Variants in CARS1 observed in about 807,000 individuals in gnomAD.
CARS1 encodes cysteine--tRNA ligase, cytoplasmic.
CARS1 carries 48 observed loss-of-function variants against 106.2 expected under a neutral mutation model. The ratio of observed to expected loss-of-function variants is 0.45; its 90% CI spans 0.36 to 0.57. The LOEUF is 0.57. Among genes scored for constraint, CARS1 ranks in the 20% least tolerant of loss-of-function variants. CARS1 has a pLI of 0.00. For synonymous variants in CARS1, 409 were observed against 403.4 expected, an observed-to-expected ratio of 1.01 and a Z score of -0.17; for missense variants, 968 against 1,057.2, an observed-to-expected ratio of 0.92 and a Z score of 1.17.
Position 3,045,515 on chromosome 11 carries a change from T to G in CARS1, c.274+2238A>C, listed in dbSNP as rs1250632466. 1.3e-5 allele frequency among the ~76,000 whole-genome samples: 2 copies of G among 152,182 alleles called. No homozygotes were observed. Among genetic ancestry groups the G allele is most frequent in the Non-Finnish European group, 2.9e-5 (2 of 68,028 alleles). ...TCCTGACCTCGTGATCCGCCCGCCT[T>G]GGCCTCCCAAAGTGCTGGGATTACA... On this transcript the variant is annotated intron_variant, in intron 2 of 22. Coordinates refer to ENST00000380525, the MANE Select transcript of CARS1 (RefSeq NM_001014437.3). The surrounding 1 kb of genome is among the most constrained non-coding windows in gnomAD (Gnocchi z 5.6).
intron 7 of CARS1, among the ~76,000 whole-genome samples, chr11:3,031,997 TC>T (rs1231882709): frequency 0.094 from 1,141 of 12,094 alleles, 313 homozygotes; most frequent in African/African-American, 0.16. Flanking sequence ...CTTCCTTCCT[TC>T]CCTCCCTCCC....
In CARS1 at chr11:3,012,274, G is replaced by C; in HGVS notation, c.1989C>G (p.Leu663=). The change falls in exon 18 of 23, where the codon CTC becomes CTG. Residue 663 remains leucine (L), a splice_region_variant and synonymous_variant. Transcript: ENST00000380525. ...PVGGPGTSLS[L]EATVMPYLQV... Reference sequence around the variant, plus strand: ...GAAGGTAGGGCATGACTGTGGCCTCGAGCTGCGGAAAGAACAGTTTTGGTT... The same window carrying C: ...GAAGGTAGGGCATGACTGTGGCCTCCAGCTGCGGAAAGAACAGTTTTGGTT... 1 of 1,614,038 alleles carries C rather than the reference G, an allele frequency of 6.2e-7. No homozygotes were observed. Among genetic ancestry groups the C allele is most frequent in the Non-Finnish European group, 8.5e-7 (1 of 1,179,858 alleles).
At chr11:3,054,890 G>T in intron 1 of CARS1, 1 of 702,554 alleles carries the variant, frequency 1.4e-6, no homozygotes, top group Admixed American at 2.0e-5. Context: ...ATGAGCAGCC[G>T]ACCAAGTGGT....
rs1445613766 is a variant in CARS1, at chr11:3,020,240, A to G, written c.1246T>C (p.Trp416Arg). The G allele has an allele frequency of 3.1e-6, 5 of 1,609,618 alleles. No homozygotes were observed. The highest frequency in any genetic ancestry group is 1.7e-5 in the Admixed American group (1 of 60,030). Residue 416 changes from tryptophan (W) to arginine (R), a missense_variant, in exon 11 of 23, where the codon TGG becomes CGG. Physicochemically the swap from Trp to Arg is moderately radical, Grantham distance 101. Transcript: ENST00000380525. The surrounding 1 kb of genome is among the most constrained non-coding windows in gnomAD (Gnocchi z 4.6). ...WKASKPGEPS[W>R]PCPWGKGRPG... ...CTCACCTTTCCCCAAGGGCACGGCC[A>G]GGACGGTTCTCCGGGCTTAGAGGCC...
intron 14 of CARS1, 169 bp downstream of exon 14, chr11:3,018,239 A>T: frequency 1.6e-6 from 1 of 618,690 alleles, no homozygotes; most frequent in African/African-American, 1.8e-5. Context: ...CAGCCATTTC[A>T]GGAGTGGCCC....
chr11:3,036,237 A>C (rs1853611309), intron 7 of CARS1, among the ~76,000 whole-genome samples: 1 of 152,232 alleles, frequency 6.6e-6, no homozygotes, highest in African/African-American at 2.4e-5. Flanking sequence ...TACAAACCTT[A>C]GACAAGATGA....
rs765464091 is a variant in CARS1, at chr11:3,038,086, G to A, written c.765C>T (p.Ser255=). ...ATEPLEKAVQ[S]RLTGEEVNSC... ...TGTTGACTTCCTCTCCCGTGAGTCT[G>A]GACTGCACAGCTTTCTCAAGTGGCT... The change falls in exon 7 of 23, where the codon TCC becomes TCT. Residue 255 remains serine, a synonymous_variant. Coordinates refer to ENST00000380525, the MANE Select transcript of CARS1 (RefSeq NM_001014437.3). This position sits in a 1 kb window ranked among gnomAD's most constrained non-coding sequence, Gnocchi z 4.0. 4 of 1,614,170 alleles carry A rather than the reference G, an allele frequency of 2.5e-6. No homozygotes were observed. In the East Asian group the frequency reaches 8.9e-5, roughly 36 times the overall value.
At chr11:3,033,295 C>T (rs1320801477) in intron 7 of CARS1, among the ~76,000 whole-genome samples, 1 of 152,130 alleles carries the variant, frequency 6.6e-6, no homozygotes, top group African/African-American at 2.4e-5. Context: ...CACAAGAGAA[C>T]ATTCAGAAAC....
rs1169642345 is a variant in CARS1 at position 3,052,875 on chromosome 11, A to G, written c.25+4468T>C. 6.6e-6 allele frequency among the ~76,000 whole-genome samples: 1 copy of G among 152,346 alleles called. No individual in the cohort carries two copies. The highest frequency in any genetic ancestry group is 1.5e-5 in the Non-Finnish European group (1 of 68,020). ...AAACCTCCCAGGGACCTGTTCCTCG[A>G]CACTGGCCCTCATCGTAGAGCCTGC... On this transcript the variant is annotated intron_variant, in intron 1 of 22. Coordinates refer to ENST00000380525, the MANE Select transcript of CARS1 (RefSeq NM_001014437.3). This position sits in a 1 kb window ranked among gnomAD's most constrained non-coding sequence, Gnocchi z 4.6.
chr11:3,026,352 C>G (rs1484635770), intron 10 of CARS1, among the ~76,000 whole-genome samples: 1 of 152,120 alleles, frequency 6.6e-6, no homozygotes, highest in Non-Finnish European at 1.5e-5. Context: ...TGGAACATTC[C>G]CAATGCAAAG....
intron 16 of CARS1, among the ~76,000 whole-genome samples, chr11:3,016,281 C>T (rs1193131503): frequency 5.3e-5 from 8 of 149,864 alleles, no homozygotes; most frequent in Admixed American, 3.3e-4. Flanking sequence ...AGTGCAATGG[C>T]GCAATCTTGG....
At chr11:3,012,356 G>T in intron 17 of CARS1, 80 bp from the exon 18 acceptor site, 1 of 1,255,176 alleles carries the variant, frequency 8.0e-7, no homozygotes, top group Non-Finnish European at 1.2e-6. Context: ...CAGTGGCCGC[G>T]ACACAGGGCA....
Position 3,040,188 on chromosome 11 carries a change from T to G in CARS1, c.456-257A>C. On this transcript the variant is annotated intron_variant, in intron 4 of 22. Coordinates refer to ENST00000380525, the MANE Select transcript of CARS1 (RefSeq NM_001014437.3). The surrounding 1 kb of genome is among the most constrained non-coding windows in gnomAD (Gnocchi z 5.8). ...CCTTATGATTTTCTTCATAATATTT[T>G]CTTTTCTCTGGCTTCCTTTATCATT... 4.8e-6 allele frequency: 2 copies of G among 419,762 alleles called. No homozygotes were observed. The highest frequency in any genetic ancestry group is 8.5e-6 in the Non-Finnish European group (2 of 236,022). The allele number at this position is 419,762 out of a possible 1,614,324, so 26.0% of individuals were successfully genotyped here.
At chr11:3,011,041 G>T (rs1404580379) in intron 18 of CARS1, among the ~76,000 whole-genome samples, 1 of 152,226 alleles carries the variant, frequency 6.6e-6, no homozygotes, top group South Asian at 2.1e-4. Flanking sequence ...ACCCGGCCAG[G>T]GCTCTCCTTT....
chr11:3,039,193 C>T lies in CARS1; in HGVS notation c.651+1G>A. 6.2e-7 allele frequency: 1 copy of T among 1,604,290 alleles called. No individual in the cohort carries two copies. Among genetic ancestry groups the T allele is most frequent in the Non-Finnish European group, 8.5e-7 (1 of 1,171,470 alleles). On this transcript the variant is annotated splice_donor_variant, in intron 6 of 22. Transcript: ENST00000380525. LOFTEE classifies it high-confidence loss of function. The surrounding 1 kb of genome is among the most constrained non-coding windows in gnomAD (Gnocchi z 5.6). ...TCTAGAGCAGACAGCAAGAGGCCCA[C>T]CTTCAGGGCGGCCTGAACATCCTCC...
intron 9 of CARS1, chr11:3,027,047 A>G: frequency 6.9e-6 from 3 of 432,614 alleles, no homozygotes; most frequent in South Asian, 3.2e-5. Flanking sequence ...TGACCCATGC[A>G]GCTCCCACCC....
rs761340943 is a variant in CARS1, at chr11:3,019,099, GTGCTCT to G, written c.1395+34_1395+39del. 1 of 1,495,516 alleles carries G rather than the reference GTGCTCT, an allele frequency of 6.7e-7. No individual in the cohort carries two copies. Among genetic ancestry groups the G allele is most frequent in the Admixed American group, 2.5e-5 (1 of 40,668 alleles). The allele number at this position is 1,495,516 out of a possible 1,614,324, so 92.6% of individuals were successfully genotyped here. ...TTTCCTCCACTGCAGTATGAACACT[GTGCTCT>G]TGCACCTGACAAGGGGACTCTGTTT... On this transcript the variant is annotated intron_variant, in intron 12 of 22. Transcript: ENST00000380525. The surrounding 1 kb of genome is among the most constrained non-coding windows in gnomAD (Gnocchi z 6.2).
rs1346698427 is a variant in CARS1, at chr11:3,020,989, A to AG, written c.1154-658dup. On this transcript the variant is annotated intron_variant, in intron 10 of 22. Transcript: ENST00000380525. This position sits in a 1 kb window ranked among gnomAD's most constrained non-coding sequence, Gnocchi z 4.6. Reference sequence around the variant, plus strand: ...GGCACAAGTTCTATTTCCTGGACAAAGCCAATGATCACCTGGCCAACAAAA... The same window carrying AG: ...GGCACAAGTTCTATTTCCTGGACAAAGGCCAATGATCACCTGGCCAACAAAA... Among the ~76,000 whole-genome samples, 1 of 152,224 alleles carries AG rather than the reference A, an allele frequency of 6.6e-6. No homozygotes were observed. Among genetic ancestry groups the AG allele is most frequent in the African/African-American group, 2.4e-5 (1 of 41,446 alleles).
At position 3,052,743 on chromosome 11, in the gene CARS1, G is replaced by C. The variant is rs1224840781; in HGVS notation, c.25+4600C>G. 3.3e-5 allele frequency among the ~76,000 whole-genome samples: 5 copies of C among 152,172 alleles called. No individual in the cohort carries two copies. Among genetic ancestry groups the C allele is most frequent in the African/African-American group, 4.8e-5 (2 of 41,442 alleles). ...TGGTAGCTGCATTTAAGTGTGTCTC[G>C]AGGAAACAAATAAAAATAGGTCAGC... On this transcript the variant is annotated intron_variant, in intron 1 of 22. Coordinates refer to ENST00000380525, the MANE Select transcript of CARS1 (RefSeq NM_001014437.3). The surrounding 1 kb of genome is among the most constrained non-coding windows in gnomAD (Gnocchi z 4.6).
Sources: allele counts gnomAD v4.1 joint callset (sites outside exome capture counted in the v4.1 genomes callset), GRCh38; gene constraint gnomAD v4.1.1; non-coding constraint Gnocchi (gnomAD v3.1); transcripts MANE v1.5; gene names NCBI Gene and HGNC (gene_info 2026-07-23, HGNC 2026-07-21).